IL1RAPL1: variants seen among roughly 807,000 people sequenced by gnomAD.
IL1RAPL1 encodes interleukin 1 receptor accessory protein like 1, also known as interleukin-1 receptor accessory protein-like 1.
A neutral mutation model predicts 48.4 loss-of-function variants in IL1RAPL1; 3 were observed. The ratio of observed to expected loss-of-function variants is 0.06; its 90% CI spans 0.03 to 0.16. The LOEUF is 0.16. IL1RAPL1 is among the 10% of genes least tolerant of loss of function. The pLI, the probability that IL1RAPL1 is intolerant of heterozygous loss-of-function variation, is 1.00. For missense variants in IL1RAPL1, 349 were observed against 530.6 expected, an observed-to-expected ratio of 0.66 and a Z score of 3.36; for synonymous variants, 185 against 187.7, an observed-to-expected ratio of 0.99 and a Z score of 0.12.
At chrX:29,581,512 G>A (rs1922959717) in intron 5 of IL1RAPL1, among the ~76,000 whole-genome samples, 1 of 111,940 alleles carries the variant, frequency 8.9e-6, no homozygotes, top group African/African-American at 3.2e-5. Flanking sequence ...ATGGGGAAAT[G>A]AGACACAATT....
At position 28,592,838 on chromosome X, in the gene IL1RAPL1, A is replaced by G. The variant is rs16988273; in HGVS notation, c.-25+4791A>G. Among the ~76,000 whole-genome samples, 934 of 111,768 alleles carry G rather than the reference A, an allele frequency of 8.4e-3. 6 individuals carry two copies. Among genetic ancestry groups the G allele is most frequent in the African/African-American group, 0.029 (886 of 30,842 alleles). ...TATATTTTTGTTTCAGATGAATTTC[A>G]TTATGCATGTTTATCTGACTTCATT... On this transcript the variant is annotated intron_variant, in intron 1 of 10. Transcript: ENST00000378993.
intron 2 of IL1RAPL1, among the ~76,000 whole-genome samples, chrX:29,190,333 G>T (rs990467165): frequency 3.6e-5 from 4 of 111,638 alleles, no homozygotes; most frequent in African/African-American, 1.3e-4. Context: ...AGTACTAAAT[G>T]GGTATAAGAA....
rs1449820988 is a variant in IL1RAPL1 at position 28,750,180 on chromosome X, A to T, written c.-24-39140A>T. Among the ~76,000 whole-genome samples, 12 of 110,736 alleles carry T rather than the reference A, an allele frequency of 1.1e-4. No homozygotes were observed. The Admixed American group carries it at 1.2e-3, about 11-fold the overall frequency. ...GTTGGCCAGGCTGGTCTCAAACTCA[A>T]CCTCAAGTGATCCATCTGCCTCAGC... On this transcript the variant is annotated intron_variant, in intron 1 of 10. Transcript: ENST00000378993.
chrX:28,733,302 A>G (rs1348982804), intron 1 of IL1RAPL1, among the ~76,000 whole-genome samples: 1 of 110,921 alleles, frequency 9.0e-6, no homozygotes, highest in African/African-American at 3.3e-5. Flanking sequence ...ACTAATCTTA[A>G]CAATATTTTT....
intron 2 of IL1RAPL1, among the ~76,000 whole-genome samples, chrX:28,922,443 A>C (rs1007858104): frequency 3.6e-5 from 4 of 112,059 alleles, no homozygotes; most frequent in Non-Finnish European, 7.5e-5. Context: ...TGAAAGTAAA[A>C]GCAAGGACTC....
intron 6 of IL1RAPL1, among the ~76,000 whole-genome samples, chrX:29,815,233 G>T (rs1930467619): frequency 9.0e-6 from 1 of 111,263 alleles, no homozygotes; most frequent in Admixed American, 9.6e-5. Context: ...TTTTCCATGT[G>T]TTTGTGTGAT....
chrX:28,844,252 A>AAATTTG (rs1329510239), intron 2 of IL1RAPL1, among the ~76,000 whole-genome samples: 1 of 105,565 alleles, frequency 9.5e-6, no homozygotes. Context: ...AACCCCCACC[A>AAATTTG]AATTTGAATT....
intron 5 of IL1RAPL1, among the ~76,000 whole-genome samples, chrX:29,408,235 C>G (rs1317308885): frequency 9.0e-6 from 1 of 110,946 alleles, no homozygotes; most frequent in African/African-American, 3.3e-5. Context: ...TTTGTTAGGT[C>G]TAAGGAAAAA....
chrX:28,996,921 C>G (rs1925738851), intron 2 of IL1RAPL1, among the ~76,000 whole-genome samples: 1 of 111,411 alleles, frequency 9.0e-6, no homozygotes, highest in African/African-American at 3.3e-5. Flanking sequence ...TTTAAACTGG[C>G]TTTTAAAATT....
intron 5 of IL1RAPL1, among the ~76,000 whole-genome samples, chrX:29,501,026 G>T (rs1490542516): frequency 9.0e-6 from 1 of 111,173 alleles, no homozygotes; most frequent in Non-Finnish European, 1.9e-5. Context: ...TGTTGTTTTG[G>T]TTTGCATTTA....
At chrX:29,711,069 T>TATACACACACACACACAC (rs1555913970) in intron 6 of IL1RAPL1, among the ~76,000 whole-genome samples, 897 of 86,413 alleles carry the variant, frequency 0.01, 5 homozygotes, top group South Asian at 0.024. Flanking sequence ...TGTGTGTGTA[T>TATACACACACACACACAC]ACACACACAC....
intron 1 of IL1RAPL1, among the ~76,000 whole-genome samples, chrX:28,618,804 G>A (rs1244603932): frequency 3.6e-5 from 4 of 112,183 alleles, no homozygotes; most frequent in African/African-American, 1.3e-4. Flanking sequence ...ATATTCTGTG[G>A]GTGGACTACA....
chrX:29,827,573 A>T (rs1377167246), intron 6 of IL1RAPL1, among the ~76,000 whole-genome samples: 1 of 111,761 alleles, frequency 8.9e-6, no homozygotes, highest in Non-Finnish European at 1.9e-5. Flanking sequence ...GGCCTCTCTG[A>T]TGAGGTGTTG....
At chrX:28,743,153 A>G (rs1935931767) in intron 1 of IL1RAPL1, among the ~76,000 whole-genome samples, 1 of 111,411 alleles carries the variant, frequency 9.0e-6, no homozygotes, top group Non-Finnish European at 1.9e-5. Flanking sequence ...AATTTCAAAT[A>G]ACCTCTAATG....
chrX:29,478,569 T>C (rs967656328), intron 5 of IL1RAPL1, among the ~76,000 whole-genome samples: 19 of 110,910 alleles, frequency 1.7e-4, no homozygotes, highest in African/African-American at 6.2e-4. Context: ...CCCCAGGGTC[T>C]TTCCATCTCA....
At position 29,729,294 on chromosome X, in the gene IL1RAPL1, C is replaced by T. The variant is rs184763792; in HGVS notation, c.778+60790C>T. Among the ~76,000 whole-genome samples the T allele has an allele frequency of 3.3e-4, 37 of 111,304 alleles. No homozygotes were observed. In the East Asian group the frequency reaches 7.1e-3, roughly 21 times the overall value. On this transcript the variant is annotated intron_variant, in intron 6 of 10. Coordinates refer to ENST00000378993, the MANE Select transcript of IL1RAPL1 (RefSeq NM_014271.4). ...CCATTTTTCCCTCTGCATGCCACCC[C>T]GACCTGGTGGCTTAATATTCCATTT...
intron 6 of IL1RAPL1, among the ~76,000 whole-genome samples, chrX:29,727,123 T>C (rs775421767): frequency 8.9e-6 from 1 of 111,880 alleles, no homozygotes; most frequent in Non-Finnish European, 1.9e-5. Flanking sequence ...CTCATAACAA[T>C]GGGGTTTTGT....
intron 1 of IL1RAPL1, among the ~76,000 whole-genome samples, chrX:28,698,178 G>C (rs762844946): frequency 9.0e-6 from 1 of 111,652 alleles, no homozygotes; most frequent in East Asian, 2.8e-4. Flanking sequence ...GTGATTTGGT[G>C]ATCAAGCTCT....
At chrX:28,618,531 A>G (rs897548116) in intron 1 of IL1RAPL1, among the ~76,000 whole-genome samples, 1 of 111,735 alleles carries the variant, frequency 8.9e-6, no homozygotes, top group African/African-American at 3.3e-5. Context: ...ACCATTATGT[A>G]TTGCTCTAAC....
Sources: allele counts gnomAD v4.1 joint callset (sites outside exome capture counted in the v4.1 genomes callset), GRCh38; gene constraint gnomAD v4.1.1; transcripts MANE v1.5; gene names NCBI Gene and HGNC (gene_info 2026-07-23, HGNC 2026-07-21).